Variants in CCDC22 observed in about 807,000 individuals in gnomAD.
The protein encoded by CCDC22 is CCC complex scaffolding subunit CCDC22.
Under a neutral mutation model 53.1 loss-of-function variants are expected in CCDC22, and 4 were observed. The ratio of observed to expected loss-of-function variants is 0.08; its 90% CI spans 0.04 to 0.17. The LOEUF (loss-of-function observed/expected upper bound fraction) is 0.17, where lower values mean the gene tolerates loss of function less well. Among genes scored for constraint, CCDC22 ranks in the 10% least tolerant of loss-of-function variants. CCDC22 has a pLI of 1.00. For missense variants in CCDC22, 458 were observed against 554.0 expected (o/e 0.83, Z 1.74); for synonymous variants, 222 against 224.4 (o/e 0.99, Z 0.10).
At chrX:49,242,797 G>A in intron 3 of CCDC22, 89 bp from the exon 4 acceptor site, 1 of 503,399 alleles carries the variant, frequency 2.0e-6, no homozygotes, top group South Asian at 4.1e-5. Flanking sequence ...CTCTGGATGG[G>A]GGTCAGGAGT....
At chrX:49,238,984 T>C (rs1344582973) in intron 2 of CCDC22, among the ~76,000 whole-genome samples, 4 of 110,950 alleles carry the variant, frequency 3.6e-5, no homozygotes, top group Non-Finnish European at 7.6e-5. Flanking sequence ...ACTCACTCTG[T>C]GACTTTGGGC....
intron 6 of CCDC22, among the ~76,000 whole-genome samples, chrX:49,245,109 C>T (rs782044747): frequency 1.8e-5 from 2 of 108,800 alleles, no homozygotes; most frequent in Admixed American, 2.0e-4. Context: ...TTCCCTCTTC[C>T]TCTGTGTTCA....
Position 49,242,880 on chromosome X carries a change from C to G in CCDC22, c.362-6C>G. The G allele has an allele frequency of 9.0e-7, 1 of 1,105,679 alleles. No homozygotes were observed. The highest frequency in any genetic ancestry group is 2.2e-5 in the South Asian group (1 of 44,682). The allele number at this position is 1,105,679 out of a possible 1,213,427, so 91.1% of individuals were successfully genotyped here. A position where few individuals can be genotyped will look rare whatever the true frequency, so the allele number is the denominator to read the frequency against. Reference sequence around the variant, plus strand: ...ATCTGATTCACTTCCTCCCTATCCCCCATAGGTGACTCAGCTATTCTCCTC... The same window carrying G: ...ATCTGATTCACTTCCTCCCTATCCCGCATAGGTGACTCAGCTATTCTCCTC... On this transcript the variant is annotated splice_polypyrimidine_tract_variant and splice_region_variant and intron_variant, in intron 3 of 16. Transcript: ENST00000376227.
chrX:49,243,084 C>T, intron 4 of CCDC22, 34 bp from the exon 5 acceptor site: 1 of 1,191,665 alleles, frequency 8.4e-7, no homozygotes, highest in South Asian at 1.8e-5. Context: ...CATCCCACTT[C>T]ACCCTGGAGA....
chrX:49,249,629 C>T (rs782741690), intron 15 of CCDC22, 22 bp from the exon 16 acceptor site: 2 of 1,208,229 alleles, frequency 1.7e-6, no homozygotes, highest in South Asian at 3.5e-5. Context: ...GGGTGCAAGC[C>T]TTCTGCTCCT....
chrX:49,236,490 G>A (rs1314741933), intron 1 of CCDC22, among the ~76,000 whole-genome samples: 1 of 111,006 alleles, frequency 9.0e-6, no homozygotes, highest in Non-Finnish European at 1.9e-5. Flanking sequence ...TTACAGGTGT[G>A]AGCCACCACG....
At chrX:49,242,205 G>A (rs1557113463) in intron 3 of CCDC22, 57 bp downstream of exon 3, 1 of 1,194,813 alleles carries the variant, frequency 8.4e-7, no homozygotes, top group Non-Finnish European at 1.1e-6. Flanking sequence ...GGCCTTCTAG[G>A]GGCTGTAGGG....
At chrX:49,244,837 G>A (rs2065981424) in intron 6 of CCDC22, among the ~76,000 whole-genome samples, 1 of 111,342 alleles carries the variant, frequency 9.0e-6, no homozygotes, top group African/African-American at 3.3e-5. Context: ...TTACAGGCAT[G>A]AGCCACCATG....
intron 1 of CCDC22, 139 bp downstream of exon 1, chrX:49,235,825 T>TGACA: frequency 1.2e-5 from 3 of 253,539 alleles, no homozygotes; most frequent in Non-Finnish European, 1.4e-5. Flanking sequence ...CCTCACCCCC[T>TGACA]TACACACACA....
intron 13 of CCDC22, 24 bp from the exon 14 acceptor site, chrX:49,249,143 C>T: frequency 3.4e-6 from 4 of 1,181,990 alleles, no homozygotes; most frequent in Non-Finnish European, 4.6e-6. Flanking sequence ...GGCAGGGGCT[C>T]ATGGCTGCCA....
intron 6 of CCDC22, among the ~76,000 whole-genome samples, chrX:49,243,750 G>C (rs1287172108): frequency 8.9e-6 from 1 of 112,396 alleles, no homozygotes; most frequent in Non-Finnish European, 1.9e-5. Context: ...GAGATTCCTG[G>C]CAACTGGAGC....
intron 2 of CCDC22, 105 bp downstream of exon 2, chrX:49,237,368 C>T: frequency 1.4e-5 from 10 of 728,648 alleles, no homozygotes; most frequent in Non-Finnish European, 2.0e-5. Context: ...CTTGCCTTTC[C>T]TCTGCAACAC....
At chrX:49,242,250 G>A (rs2065967298) in intron 3 of CCDC22, 102 bp downstream of exon 3, 1 of 1,144,368 alleles carries the variant, frequency 8.7e-7, no homozygotes, top group South Asian at 2.0e-5. Context: ...AGGTTGATGG[G>A]TAGGGGTGGC....
chrX:49,242,393 C>G, intron 3 of CCDC22: 1 of 696,852 alleles, frequency 1.4e-6, no homozygotes, highest in Non-Finnish European at 1.7e-6. Flanking sequence ...CTGACTCAAC[C>G]CCTGTGCCCT....
At chrX:49,236,058 T>C (rs2065936491) in intron 1 of CCDC22, among the ~76,000 whole-genome samples, 1 of 108,638 alleles carries the variant, frequency 9.2e-6, no homozygotes, top group African/African-American at 3.4e-5. Context: ...CTGGAGACCC[T>C]AAGACACCTG....
intron 1 of CCDC22, 97 bp from the exon 2 acceptor site, chrX:49,236,989 C>A: frequency 1.3e-6 from 1 of 779,098 alleles, no homozygotes; most frequent in Non-Finnish European, 1.9e-6. Flanking sequence ...ATCCTCCCTG[C>A]CCCGACCCTG....
chrX:49,249,904 G>A (rs1322787617), intron 16 of CCDC22, among the ~76,000 whole-genome samples, 179 bp downstream of exon 16: 1 of 113,082 alleles, frequency 8.8e-6, no homozygotes, highest in Admixed American at 9.3e-5. Flanking sequence ...TCCACCCCAA[G>A]GGCCCTCCTG....
In CCDC22 at chrX:49,248,334, C is replaced by T. The variant is rs376300849; in HGVS notation, c.1212+24C>T. The T allele has an allele frequency of 5.0e-4, 105 of 208,162 alleles. No homozygotes were observed. The Middle Eastern group carries it at 6.2e-3, about 12-fold the overall frequency. 17.2% of individuals were successfully genotyped at this position (208,162 alleles called of 1,213,427 possible). ...AGGTGGGGTTGGGGCTGTAGCTGGGCGGAGAGGGGCAGGGTGGGGTGGGGT... is the reference window on the plus strand; with the variant it reads ...AGGTGGGGTTGGGGCTGTAGCTGGGTGGAGAGGGGCAGGGTGGGGTGGGGT... On this transcript the variant is annotated intron_variant, in intron 10 of 16. Coordinates refer to ENST00000376227, the MANE Select transcript of CCDC22 (RefSeq NM_014008.5).
At chrX:49,249,981 G>A (rs186153916) in intron 16 of CCDC22, among the ~76,000 whole-genome samples, 167 bp from the exon 17 acceptor site, 144 of 112,923 alleles carry the variant, frequency 1.3e-3, no homozygotes, top group Non-Finnish European at 2.6e-3. Context: ...GCCACATGGC[G>A]AAGGATGCTT....
Sources: allele counts gnomAD v4.1 joint callset (sites outside exome capture counted in the v4.1 genomes callset), GRCh38; gene constraint gnomAD v4.1.1; transcripts MANE v1.5; gene names NCBI Gene and HGNC (gene_info 2026-07-23, HGNC 2026-07-21).